Variants in CTNND1 observed in about 807,000 individuals in gnomAD.
CTNND1 encodes catenin delta-1.
Under a neutral mutation model 112.1 loss-of-function variants are expected in CTNND1, and 16 were observed. That is an observed-to-expected ratio of 0.14 (90% CI 0.10 to 0.22). The LOEUF is 0.22. Ranked by LOEUF, CTNND1 falls within the 10% of genes least tolerant of loss-of-function variation. The probability of loss-of-function intolerance (pLI) is 1.00; values close to 1 mark genes in which losing one functional copy is unlikely to be tolerated. For synonymous variants in CTNND1, 420 were observed against 446.5 expected (o/e 0.94, Z 0.75); for missense variants, 1,008 against 1,257.0 (o/e 0.80, Z 3.00).
rs1284145265 is a variant in CTNND1 at position 57,801,738 on chromosome 11, A to G, written c.962A>G (p.Tyr321Cys). 1.2e-6 allele frequency: 2 copies of G among 1,610,754 alleles called. No homozygotes were observed. Among genetic ancestry groups the G allele is most frequent in the Admixed American group, 1.7e-5 (1 of 59,812 alleles). ...GTTCTTCCAAAACTTCTCAGGAGCT[A>G]TGAAGACATGATTGGTGAGGAGGTG... ...PSDPRRRLRS[Y>C]EDMIGEEVPS... The change falls in exon 7 of 21, where the codon TAT becomes TGT. Residue 321 changes from tyrosine to cysteine, a missense_variant. Physicochemically the swap from Tyr to Cys is radical, Grantham distance 194. Transcript: ENST00000399050.
At chr11:57,811,826 A>G (rs2063396460) in intron 17 of CTNND1, among the ~76,000 whole-genome samples, 1 of 152,270 alleles carries the variant, frequency 6.6e-6, no homozygotes, top group African/African-American at 2.4e-5. Context: ...TACAAAATAT[A>G]AACAATCAGA....
chr11:57,797,428 A>T (rs2061461942), intron 6 of CTNND1, among the ~76,000 whole-genome samples: 1 of 147,326 alleles, frequency 6.8e-6, no homozygotes, highest in Non-Finnish European at 1.5e-5. Flanking sequence ...ATGGGGTTTC[A>T]CCATGTTGGC....
intron 20 of CTNND1, 21 bp from the exon 21 acceptor site, chr11:57,816,276 C>A: frequency 6.2e-7 from 1 of 1,613,626 alleles, no homozygotes; most frequent in Non-Finnish European, 8.5e-7. Context: ...AACATTCTCT[C>A]TTTCTCTTTT....
chr11:57,773,265 A>G (rs890749557), intron 1 of CTNND1, among the ~76,000 whole-genome samples: 2 of 151,854 alleles, frequency 1.3e-5, no homozygotes, highest in Admixed American at 1.3e-4. Flanking sequence ...GGCTCAAATG[A>G]TCCTCCCATC....
At position 57,764,387 on chromosome 11, in the gene CTNND1, A is replaced by T. The variant is rs551913725; in HGVS notation, c.-214+2268A>T. ...TTAACAAAAAGAAAAGCACTAAGTA[A>T]TTACAATCCAGCCTTAGGTTTATGA... On this transcript the variant is annotated intron_variant, in intron 1 of 20. Transcript: ENST00000399050. Among the ~76,000 whole-genome samples the T allele has an allele frequency of 2.4e-4, 37 of 152,326 alleles. 1 individual carries two copies. Among genetic ancestry groups the T allele is most frequent in the Non-Finnish European group, 1.3e-4 (9 of 68,034 alleles).
chr11:57,814,460 A>C, intron 18 of CTNND1, 87 bp downstream of exon 18: 3 of 950,734 alleles, frequency 3.2e-6, no homozygotes, highest in Non-Finnish European at 4.9e-6. Context: ...TTTTTCTAAT[A>C]CCCTTACCAT....
At chr11:57,812,716 A>G (rs933991246) in intron 17 of CTNND1, among the ~76,000 whole-genome samples, 6 of 152,004 alleles carry the variant, frequency 3.9e-5, no homozygotes, top group African/African-American at 1.5e-4. Context: ...GGGTCTCCCT[A>G]TGTTACCCAG....
At chr11:57,783,154 CA>C (rs947354323) in intron 1 of CTNND1, among the ~76,000 whole-genome samples, 1 of 152,120 alleles carries the variant, frequency 6.6e-6, no homozygotes, top group African/African-American at 2.4e-5. Flanking sequence ...GGCATAGTGG[CA>C]CATGCCTATA....
intron 1 of CTNND1, among the ~76,000 whole-genome samples, chr11:57,769,944 C>T (rs1290204120): frequency 2.0e-5 from 3 of 152,128 alleles, no homozygotes; most frequent in East Asian, 3.8e-4. Flanking sequence ...TTACTTTCTC[C>T]GGAGTAAATC....
chr11:57,776,558 T>A (rs1431522689), intron 1 of CTNND1, among the ~76,000 whole-genome samples: 1 of 152,194 alleles, frequency 6.6e-6, no homozygotes, highest in Non-Finnish European at 1.5e-5. Context: ...GATTCATCCT[T>A]CCTACCCATT....
At chr11:57,810,646 C>A (rs1296161371) in intron 16 of CTNND1, among the ~76,000 whole-genome samples, 1 of 151,852 alleles carries the variant, frequency 6.6e-6, no homozygotes, top group Non-Finnish European at 1.5e-5. Flanking sequence ...CTATTTTTGA[C>A]CCATATTTCT....
chr11:57,781,683 C>T (rs2059598678), intron 1 of CTNND1: 1 of 152,352 alleles, frequency 6.6e-6, no homozygotes, highest in African/African-American at 2.4e-5. Context: ...TTAGAGAAAA[C>T]TCAGTGTGAA....
chr11:57,811,523 C>A, intron 17 of CTNND1, 37 bp downstream of exon 17: 1 of 1,429,564 alleles, frequency 7.0e-7, no homozygotes, highest in Non-Finnish European at 9.8e-7. Flanking sequence ...TCCTTTTAGC[C>A]ACTCTTGCTG....
chr11:57,781,204 TG>T (rs1294498671), intron 1 of CTNND1, among the ~76,000 whole-genome samples: 2 of 152,180 alleles, frequency 1.3e-5, no homozygotes, highest in Non-Finnish European at 2.9e-5. Flanking sequence ...CCCAAAGTGC[TG>T]GGATTACAGG....
At chr11:57,776,663 T>C (rs1028804063) in intron 1 of CTNND1, among the ~76,000 whole-genome samples, 1 of 152,138 alleles carries the variant, frequency 6.6e-6, no homozygotes, top group Non-Finnish European at 1.5e-5. Context: ...CTGCAAAGAG[T>C]CTGAGATACA....
At chr11:57,765,227 G>T (rs1418120654) in intron 1 of CTNND1, among the ~76,000 whole-genome samples, 1 of 152,104 alleles carries the variant, frequency 6.6e-6, no homozygotes, top group Admixed American at 6.6e-5. Context: ...CAGCTTGGGT[G>T]TAGGTACTGT....
rs749741433 is a variant in CTNND1 at position 57,806,903 on chromosome 11, T to A, written c.1895-12T>A. The A allele has an allele frequency of 1.9e-6, 3 of 1,585,710 alleles. No homozygotes were observed. The highest frequency in any genetic ancestry group is 2.6e-6 in the Non-Finnish European group (3 of 1,165,198). Reference sequence around the variant, plus strand: ...GGCTTACCCCTTTTCCCGCCCTTTTTCATTTTTGTAGGGAAAAAACCTATA... The same window carrying A: ...GGCTTACCCCTTTTCCCGCCCTTTTACATTTTTGTAGGGAAAAAACCTATA... On this transcript the variant is annotated splice_polypyrimidine_tract_variant and intron_variant, in intron 11 of 20. Coordinates refer to ENST00000399050, the MANE Select transcript of CTNND1 (RefSeq NM_001085458.2).
intron 1 of CTNND1, among the ~76,000 whole-genome samples, chr11:57,779,256 TAAGA>T (rs1052079849): frequency 1.2e-4 from 18 of 152,284 alleles, no homozygotes; most frequent in African/African-American, 4.1e-4. Context: ...CGCTTAGTAT[TAAGA>T]GTTACTAGCA....
Position 57,809,388 on chromosome 11 carries a change from T to A in CTNND1, c.2357T>A (p.Ile786Asn). Residue 786 changes from isoleucine (I) to asparagine (N), a missense_variant, in exon 15 of 21, where the codon ATC becomes AAC. Around this residue, in one of 5 missense-constraint regions of CTNND1, gnomAD observed 254 missense variants for 279.5 expected, o/e 0.91. Coordinates refer to ENST00000399050, the MANE Select transcript of CTNND1 (RefSeq NM_001085458.2). ...ISILNTINEV[I>N]AENLEAAKKL... is the part of the protein sequence containing the mutation. ...ATTTTGAACACTATCAACGAGGTTA[T>A]CGCTGAGAACTTGGAGGCTGCCAAA... is the stretch of plus-strand genomic sequence containing the variant. The A allele has an allele frequency of 6.2e-7, 1 of 1,614,016 alleles. No individual in the cohort carries two copies. Among genetic ancestry groups the A allele is most frequent in the Non-Finnish European group, 8.5e-7 (1 of 1,179,886 alleles).
Sources: gnomAD v4.1 joint callset for allele counts (sites outside exome capture counted in the v4.1 genomes callset) on GRCh38, gnomAD v4.1.1 for gene constraint, gnomAD v4.1.1 regional missense constraint, MANE v1.5 for transcripts, NCBI Gene and HGNC (gene_info 2026-07-23, HGNC 2026-07-21) for gene names.